Variants in SMAP2 observed in about 807,000 individuals in gnomAD.
SMAP2 encodes the protein stromal membrane-associated protein 2.
SMAP2 carries 25 observed loss-of-function variants against 56.4 expected under a neutral mutation model. The ratio of observed to expected loss-of-function variants is 0.44; its 90% CI spans 0.32 to 0.62. SMAP2 has a LOEUF of 0.62. SMAP2 is among the 20% of genes least tolerant of loss of function. The probability of loss-of-function intolerance (pLI) is 0.04; values close to 1 mark genes in which losing one functional copy is unlikely to be tolerated. For missense variants in SMAP2, 388 were observed against 545.6 expected, an observed-to-expected ratio of 0.71 and a Z score of 2.88; for synonymous variants, 157 against 181.7, an observed-to-expected ratio of 0.86 and a Z score of 1.09.
In SMAP2 at chr1:40,374,268, G is replaced by T. The variant is rs1644519809; in HGVS notation, c.103+45G>T. 1.3e-6 allele frequency: 2 copies of T among 1,510,848 alleles called. No homozygotes were observed. Among genetic ancestry groups the T allele is most frequent in the African/African-American group, 2.7e-5 (2 of 72,990 alleles). The allele number at this position is 1,510,848 out of a possible 1,614,324, so 93.6% of individuals were successfully genotyped here. ...GGGCCAGGGGTCCAGCCGCGCCGGG[G>T]TGGTGGGGGTGGGCTGCGTGAAGAG... is the stretch of plus-strand genomic sequence containing the variant. On this transcript the variant is annotated intron_variant, in intron 1 of 9. Transcript: ENST00000372718. This position sits in a 1 kb window ranked among gnomAD's most constrained non-coding sequence, Gnocchi z 5.9.
chr1:40,377,353 C>G (rs1014440224), intron 1 of SMAP2, among the ~76,000 whole-genome samples: 2 of 152,186 alleles, frequency 1.3e-5, no homozygotes, highest in African/African-American at 2.4e-5. Flanking sequence ...GTTCTTTTTA[C>G]TTCGTACAAG....
Position 40,373,852 on chromosome 1 carries a change from C to CT in SMAP2, c.-268dup, listed in dbSNP as rs1000375307. On this transcript the variant is annotated 5_prime_UTR_variant, in exon 1 of 10. Coordinates refer to ENST00000372718, the MANE Select transcript of SMAP2 (RefSeq NM_022733.3). ...CAGGAGGCTCGTGGTCCGCCTTTGC[C>CT]TGGGCTGAGGGTCTCTGGCCCCGCA... is the stretch of plus-strand genomic sequence containing the variant. 3 of 335,908 alleles carry CT rather than the reference C, an allele frequency of 8.9e-6. No homozygotes were observed. The highest frequency in any genetic ancestry group is 6.6e-5 in the African/African-American group (3 of 45,642). The allele number at this position is 335,908 out of a possible 1,614,324, so 20.8% of individuals were successfully genotyped here.
At position 40,417,936 on chromosome 1, in the gene SMAP2, A is replaced by AC. The variant is rs1163591469; in HGVS notation, c.1164+840_1164+841insC. ...CTATTATTGCTGATTGAGAAAAAAT[A>AC]AGACCTTACAAAAATGAACCAAACA... On this transcript the variant is annotated intron_variant, in intron 9 of 9. Transcript: ENST00000372718. Among the ~76,000 whole-genome samples, 14 of 152,332 alleles carry AC rather than the reference A, an allele frequency of 9.2e-5. 1 individual carries two copies. The highest frequency in any genetic ancestry group is 5.8e-4 in the East Asian group (3 of 5,194).
chr1:40,376,010 G>T (rs536946652), intron 1 of SMAP2, among the ~76,000 whole-genome samples: 5 of 151,962 alleles, frequency 3.3e-5, no homozygotes, highest in Non-Finnish European at 7.4e-5. Context: ...GAGTGCAATG[G>T]TGCAATCTCG....
At chr1:40,360,911 C>T (rs1333689363) in intron 1 of SMAP2, among the ~76,000 whole-genome samples, 1 of 152,202 alleles carries the variant, frequency 6.6e-6, no homozygotes, top group Non-Finnish European at 1.5e-5. Context: ...ACTTCAAAGA[C>T]AGTCAAGGCC....
intron 1 of SMAP2, among the ~76,000 whole-genome samples, chr1:40,403,282 C>G (rs387887): frequency 0.9 from 137,378 of 152,212 alleles, 62,170 homozygotes; most frequent in East Asian, 0.97. Context: ...AAGGCGGGTA[C>G]ATCACCAGAG....
intron 4 of SMAP2, among the ~76,000 whole-genome samples, chr1:40,410,859 C>T (rs1280307578): frequency 1.3e-5 from 2 of 152,188 alleles, no homozygotes; most frequent in African/African-American, 4.8e-5. Flanking sequence ...CAAGATTCTA[C>T]AGAAAATTCT....
intron 9 of SMAP2, 131 bp downstream of exon 9, chr1:40,417,227 GCT>G: frequency 4.0e-6 from 2 of 499,660 alleles, no homozygotes; most frequent in Admixed American, 4.2e-5. Flanking sequence ...TGTTAGGTTT[GCT>G]TTTTTTTTTT....
At chr1:40,404,113 G>A (rs1410328562) in intron 1 of SMAP2, among the ~76,000 whole-genome samples, 1 of 152,082 alleles carries the variant, frequency 6.6e-6, no homozygotes, top group African/African-American at 2.4e-5. Flanking sequence ...AGAATAAAAT[G>A]AAATAAAAGT....
At chr1:40,411,189 T>C (rs1644932502) in intron 4 of SMAP2, among the ~76,000 whole-genome samples, 1 of 152,224 alleles carries the variant, frequency 6.6e-6, no homozygotes, top group South Asian at 2.1e-4. Context: ...TATGAAGGAC[T>C]CTTACCTTGC....
intron 1 of SMAP2, among the ~76,000 whole-genome samples, chr1:40,406,150 T>TCAC (rs1644884088): frequency 1.3e-5 from 2 of 152,298 alleles, no homozygotes; most frequent in East Asian, 3.9e-4. Context: ...TACAGGCCCA[T>TCAC]CACCACTAAA....
At position 40,373,789 on chromosome 1, in the gene SMAP2, C is replaced by A; in HGVS notation, c.-332C>A. On this transcript the variant is annotated 5_prime_UTR_variant, in exon 1 of 10. Transcript: ENST00000372718. Reference sequence around the variant, plus strand: ...ACCGAGGCGCGGGACGCAAGGCCAGCAGACAGGCCGGCCAGAGGGTCATCT... The same window carrying A: ...ACCGAGGCGCGGGACGCAAGGCCAGAAGACAGGCCGGCCAGAGGGTCATCT... 4.8e-6 allele frequency: 1 copy of A among 210,018 alleles called. No homozygotes were observed. The highest frequency in any genetic ancestry group is 9.6e-6 in the Non-Finnish European group (1 of 103,682). The allele number at this position is 210,018 out of a possible 1,614,324, so 13.0% of individuals were successfully genotyped here.
Position 40,422,129 on chromosome 1 carries a change from C to T in SMAP2, c.*28C>T, listed in dbSNP as rs1569938055. 2.5e-6 allele frequency: 4 copies of T among 1,611,980 alleles called. No homozygotes were observed. The East Asian group carries it at 8.9e-5, about 36-fold the overall frequency. ...ACAAAACACCTGTATGGCTGCCATT[C>T]TCTTCAGCCCTCGCTCTCCCCTTTC... On this transcript the variant is annotated 3_prime_UTR_variant, in exon 10 of 10. Coordinates refer to ENST00000372718, the MANE Select transcript of SMAP2 (RefSeq NM_022733.3).
chr1:40,373,857 C>A lies in SMAP2; in HGVS notation c.-264C>A. On this transcript the variant is annotated 5_prime_UTR_variant, in exon 1 of 10. It adds an upstream start codon to the 5' untranslated region. Transcript: ENST00000372718. ...GGCTCGTGGTCCGCCTTTGCCTGGGCTGAGGGTCTCTGGCCCCGCAGCCTC... is the reference window on the plus strand; with the variant it reads ...GGCTCGTGGTCCGCCTTTGCCTGGGATGAGGGTCTCTGGCCCCGCAGCCTC... 1 of 364,242 alleles carries A rather than the reference C, an allele frequency of 2.7e-6. No homozygotes were observed. Among genetic ancestry groups the A allele is most frequent in the Non-Finnish European group, 5.0e-6 (1 of 198,800 alleles). The allele number at this position is 364,242 out of a possible 1,614,324, so 22.6% of individuals were successfully genotyped here.
rs184973207 is a variant in SMAP2, at chr1:40,384,195, G to A, written c.103+9972G>A. ...GGGATTGCAGATGTGAGCCACCAAG[G>A]CCGGGCCTCAGCTCAGTGTTTTCTT... On this transcript the variant is annotated intron_variant, in intron 1 of 9. Transcript: ENST00000372718. Among the ~76,000 whole-genome samples, 97 of 152,286 alleles carry A rather than the reference G, an allele frequency of 6.4e-4. 1 individual carries two copies. The highest frequency in any genetic ancestry group is 1.5e-4 in the Non-Finnish European group (10 of 68,024).
intron 4 of SMAP2, among the ~76,000 whole-genome samples, chr1:40,412,478 T>G (rs1340755192): frequency 6.6e-6 from 1 of 152,260 alleles, no homozygotes; most frequent in Non-Finnish European, 1.5e-5. Flanking sequence ...GGTTTTGTTT[T>G]ACATTTAGAT....
Position 40,406,794 on chromosome 1 carries a change from C to T in SMAP2, c.162C>T (p.Ile54=), listed in dbSNP as rs1441316852. The change falls in exon 2 of 10, where the codon ATC becomes ATT. Residue 54 remains isoleucine, a synonymous_variant. Coordinates refer to ENST00000372718, the MANE Select transcript of SMAP2 (RefSeq NM_022733.3). ...GVFICIRCAG[I]HRNLGVHISR... is the part of the protein sequence containing the mutation. ...TCATCTGCATTCGATGTGCTGGAAT[C>T]CACAGGAATCTGGGGGTGCACATAT... The T allele has an allele frequency of 1.2e-6, 2 of 1,613,938 alleles. No homozygotes were observed. The highest frequency in any genetic ancestry group is 2.2e-5 in the South Asian group (2 of 91,088).
Position 40,408,916 on chromosome 1 carries a change from G to A in SMAP2, c.323+178G>A, listed in dbSNP as rs191764473. On this transcript the variant is annotated intron_variant, in intron 3 of 9. Coordinates refer to ENST00000372718, the MANE Select transcript of SMAP2 (RefSeq NM_022733.3). This position sits in a 1 kb window ranked among gnomAD's most constrained non-coding sequence, Gnocchi z 4.3. ...AAAAGCACATGTATTTGTGAATGTC[G>A]GAATTGTCATACGGTGTCACTTGAA... Among the ~76,000 whole-genome samples, 155 of 152,260 alleles carry A rather than the reference G, an allele frequency of 1.0e-3. No individual in the cohort carries two copies. The highest frequency in any genetic ancestry group is 8.4e-3 in the Admixed American group (128 of 15,292).
intron 1 of SMAP2, chr1:40,403,633 T>C: frequency 2.0e-6 from 2 of 984,112 alleles, no homozygotes; most frequent in Non-Finnish European, 2.4e-6. Context: ...AACCTTATTC[T>C]ATACCACATC....
Sources: allele counts gnomAD v4.1 joint callset (sites outside exome capture counted in the v4.1 genomes callset), GRCh38; gene constraint gnomAD v4.1.1; non-coding constraint Gnocchi (gnomAD v3.1); transcripts MANE v1.5; gene names NCBI Gene and HGNC (gene_info 2026-07-23, HGNC 2026-07-21).